The following ANKFY1 variants were observed in gnomAD, a reference collection of about 807,000 sequenced individuals.
ANKFY1 encodes the protein ankyrin repeat and FYVE domain containing 1, also known as ankyrin repeat and FYVE domain-containing protein 1.
Under a neutral mutation model 128.3 loss-of-function variants are expected in ANKFY1, and 47 were observed. That is an observed-to-expected ratio of 0.37 (90% CI 0.29 to 0.47). The LOEUF is 0.47. Among genes scored for constraint, ANKFY1 ranks in the 20% least tolerant of loss-of-function variants. The pLI is 1.00. For synonymous variants in ANKFY1, 553 were observed against 601.6 expected (o/e 0.92, Z 1.18); for missense variants, 1,222 against 1,510.6 (o/e 0.81, Z 3.17).
At chr17:4,260,395 T>C (rs1968349155) in intron 1 of ANKFY1, among the ~76,000 whole-genome samples, 1 of 152,062 alleles carries the variant, frequency 6.6e-6, no homozygotes, top group African/African-American at 2.4e-5. Flanking sequence ...GGCAGGTGAA[T>C]GGCTTGAGCC....
At chr17:4,253,797 G>A (rs992156345) in intron 1 of ANKFY1, among the ~76,000 whole-genome samples, 2 of 152,128 alleles carry the variant, frequency 1.3e-5, no homozygotes, top group Admixed American at 1.3e-4. Flanking sequence ...TTCAGAAACT[G>A]CACACAGAGG....
At chr17:4,208,165 T>C (rs755617774) in intron 5 of ANKFY1, 83 bp from the exon 6 acceptor site, 35 of 1,386,564 alleles carry the variant, frequency 2.5e-5, no homozygotes, top group Non-Finnish European at 3.3e-5. Flanking sequence ...CTCAAATGCA[T>C]CAGTCAGGCC....
chr17:4,230,824 T>C (rs1821860), intron 3 of ANKFY1, among the ~76,000 whole-genome samples: 54,301 of 152,128 alleles, frequency 0.36, 9,834 homozygotes, highest in Admixed American at 0.41. Flanking sequence ...TTTCATACTT[T>C]GAGAAAAGCT....
intron 23 of ANKFY1, among the ~76,000 whole-genome samples, chr17:4,170,277 TCA>T (rs2142999573): frequency 6.6e-6 from 1 of 152,236 alleles, no homozygotes; most frequent in Admixed American, 6.5e-5. Flanking sequence ...GAGTAAAGAT[TCA>T]CAAATATGAA....
rs568378805 is a variant in ANKFY1 at position 4,223,654 on chromosome 17, C to T, written c.323-6536G>A. ...CGCCCTACATGGACACTGACCCCTT[C>T]GAGATGGCCGCATACCTGAAAGATG... is the stretch of plus-strand genomic sequence containing the variant. On this transcript the variant is annotated intron_variant, in intron 3 of 24. Coordinates refer to ENST00000341657, the MANE Select transcript of ANKFY1 (RefSeq NM_001330063.2). 14 of 1,594,664 alleles carry T rather than the reference C, an allele frequency of 8.8e-6. No homozygotes were observed. The South Asian group carries it at 9.9e-5, about 11-fold the overall frequency.
intron 4 of ANKFY1, among the ~76,000 whole-genome samples, chr17:4,216,282 C>A (rs1186264380): frequency 1.3e-5 from 2 of 152,228 alleles, no homozygotes; most frequent in African/African-American, 4.8e-5. Context: ...ACTTTATGCA[C>A]CCAAGGGAAT....
chr17:4,170,980 A>C (rs111783606), intron 22 of ANKFY1, 119 bp from the exon 23 acceptor site: 16,720 of 1,442,908 alleles, frequency 0.012, 126 homozygotes, highest in African/African-American at 0.043. Context: ...CTGTTCACAA[A>C]GTCCCCACAG....
At chr17:4,191,245 T>C (rs901569898) in intron 10 of ANKFY1, 2 of 151,968 alleles carry the variant, frequency 1.3e-5, no homozygotes, top group African/African-American at 4.8e-5. Context: ...GGTTGCTCTA[T>C]ACTGGAGACT....
intron 11 of ANKFY1, chr17:4,186,941 C>T: frequency 1.7e-6 from 2 of 1,169,960 alleles, no homozygotes; most frequent in South Asian, 4.4e-5. Context: ...TATTCCCACA[C>T]ACAGGCTCCT....
chr17:4,220,396 G>C (rs139156515), intron 3 of ANKFY1, among the ~76,000 whole-genome samples: 287 of 152,180 alleles, frequency 1.9e-3, no homozygotes, highest in African/African-American at 6.6e-3. Flanking sequence ...AGACTCACAT[G>C]GCCTGATCTT....
At chr17:4,179,445 A>G (rs1324927897) in intron 17 of ANKFY1, 1 of 536,916 alleles carries the variant, frequency 1.9e-6, no homozygotes, top group East Asian at 3.2e-5. Flanking sequence ...TAAATACAGT[A>G]TGCGATTTGG....
At chr17:4,263,713 G>T in intron 1 of ANKFY1, 26 of 1,483,750 alleles carry the variant, frequency 1.8e-5, no homozygotes, top group Non-Finnish European at 2.1e-5. Context: ...GCCGGCCGCA[G>T]TCCCGCGGGG....
intron 3 of ANKFY1, among the ~76,000 whole-genome samples, chr17:4,225,055 T>TA (rs35710004): frequency 0.38 from 56,107 of 147,856 alleles, 10,814 homozygotes; most frequent in Admixed American, 0.53. Flanking sequence ...GTTTTATATT[T>TA]AAAAAAAAAA....
chr17:4,235,881 C>T lies in ANKFY1; in HGVS notation c.213G>A (p.Lys71=), dbSNP rs370592310. The T allele has an allele frequency of 1.0e-4, 161 of 1,612,234 alleles. No individual in the cohort carries two copies. Among genetic ancestry groups the T allele is most frequent in the Non-Finnish European group, 1.0e-4 (118 of 1,178,540 alleles). The part of the protein sequence containing the change: ...LYEQEQYSDL[K]IKVGDRHISA... ...TGATGTGCCTGTCCCCAACCTTTAT[C>T]TTCAGATCGCTGATGAAGAAAAAGA... Residue 71 remains lysine (K), a synonymous_variant, in exon 3 of 25, where the codon AAG becomes AAA. Transcript: ENST00000341657.
At chr17:4,179,682 G>T (rs1274999410) in intron 17 of ANKFY1, 39 bp downstream of exon 17, 1 of 1,605,464 alleles carries the variant, frequency 6.2e-7, no homozygotes, top group Admixed American at 1.7e-5. Context: ...CCTCATGCTG[G>T]GGCTACACCT....
chr17:4,198,122 T>A (rs1027381181), intron 7 of ANKFY1, among the ~76,000 whole-genome samples: 2 of 144,154 alleles, frequency 1.4e-5, no homozygotes, highest in Admixed American at 1.4e-4. Context: ...AGAGCAAAAC[T>A]CCGTCTTAAA....
chr17:4,223,086 A>G (rs1258535532), intron 3 of ANKFY1: 4 of 728,956 alleles, frequency 5.5e-6, no homozygotes, highest in South Asian at 3.0e-5. Context: ...TTTAATAGAT[A>G]AAAAAGATCC....
At chr17:4,248,870 C>A (rs1041890876) in intron 1 of ANKFY1, among the ~76,000 whole-genome samples, 3 of 152,150 alleles carry the variant, frequency 2.0e-5, no homozygotes, top group African/African-American at 7.2e-5. Context: ...TGAAGAATGC[C>A]AGAAACTTCC....
At chr17:4,185,678 A>G (rs1444413776) in intron 11 of ANKFY1, among the ~76,000 whole-genome samples, 1 of 152,184 alleles carries the variant, frequency 6.6e-6, no homozygotes, top group African/African-American at 2.4e-5. Flanking sequence ...TTCCGAAAGC[A>G]CTGGCTTCTT....
Sources: allele counts gnomAD v4.1 joint callset (sites outside exome capture counted in the v4.1 genomes callset), GRCh38; gene constraint gnomAD v4.1.1; transcripts MANE v1.5; gene names NCBI Gene and HGNC (gene_info 2026-07-23, HGNC 2026-07-21).